The following APOL2 variants were observed in gnomAD, a reference collection of about 807,000 sequenced individuals.
APOL2 encodes apolipoprotein L2.
In APOL2, 8 loss-of-function variants were observed where a neutral mutation model predicts 7.1. That is an observed-to-expected ratio of 1.12 (90% CI 0.66 to 2.03). The LOEUF (loss-of-function observed/expected upper bound fraction) is 2.03. Ranked by LOEUF, APOL2 falls within the 30% of genes most tolerant of loss-of-function variation. APOL2 has a pLI of 0.00. For missense variants in APOL2, 471 were observed against 415.1 expected, an observed-to-expected ratio of 1.13 and a Z score of -1.17; for synonymous variants, 177 against 159.9, an observed-to-expected ratio of 1.11 and a Z score of -0.81.
In APOL2 at chr22:36,228,071, G is replaced by T; in HGVS notation, c.347C>A (p.Ala116Asp). ...GCCAACAGAGTTGGACACCACATTGGCAATGGTGGTGCCTCTGTGGACCTG... is the reference window on the plus strand; with the variant it reads ...GCCAACAGAGTTGGACACCACATTGTCAATGGTGGTGCCTCTGTGGACCTG... ...VEQVHRGTTI[A>D]NVVSNSVGTT... Residue 116 changes from alanine (A) to aspartate (D), a missense_variant, in exon 5 of 5, where the codon GCC becomes GAC. By Grantham distance (126) the Ala-to-Asp change is moderately radical. Transcript: ENST00000358502. The T allele has an allele frequency of 1.2e-6, 2 of 1,614,240 alleles. No homozygotes were observed. The highest frequency in any genetic ancestry group is 1.7e-6 in the Non-Finnish European group (2 of 1,180,028).
At chr22:36,236,513 A>G (rs2015408201) in intron 1 of APOL2, 1 of 946,230 alleles carries the variant, frequency 1.1e-6, no homozygotes, top group Admixed American at 6.2e-5. Flanking sequence ...ACTAATAATG[A>G]CACTATAAGT....
At chr22:36,230,070 GAACCACTAGAAGACTCAAGACAC>G in intron 4 of APOL2, among the ~76,000 whole-genome samples, 1 of 152,240 alleles carries the variant, frequency 6.6e-6, no homozygotes, top group South Asian at 2.1e-4. Flanking sequence ...CAATTTTATG[GAACCACTAGAAGACTCAAGACAC>G]TTTCAGAACC....
intron 3 of APOL2, 81 bp from the exon 4 acceptor site, chr22:36,231,547 T>A: frequency 9.1e-6 from 14 of 1,533,186 alleles, no homozygotes; most frequent in Non-Finnish European, 1.3e-5. Flanking sequence ...TGGTTACATG[T>A]TAATTTTTCC....
At chr22:36,236,252 T>C (rs1473552178) in intron 1 of APOL2, among the ~76,000 whole-genome samples, 2 of 152,184 alleles carry the variant, frequency 1.3e-5, no homozygotes, top group African/African-American at 4.8e-5. Flanking sequence ...TACCGATTAG[T>C]ACAAACTTAA....
rs1158214892 is a variant in APOL2, at chr22:36,239,158, CGTGTCTGAGG to C, written c.-134+273_-134+282del. The C allele has an allele frequency of 7.3e-6, 9 of 1,227,844 alleles. No individual in the cohort carries two copies. The East Asian group carries it at 1.1e-4, about 15-fold the overall frequency. 76.1% of individuals were successfully genotyped at this position (1,227,844 alleles called of 1,614,324 possible). On this transcript the variant is annotated intron_variant, in intron 1 of 4. Transcript: ENST00000358502. ...TACCTTTCTTCTGGGGTCAGCTGGCCGTGTCTGAGGGTGTCAGAACCAGAGCTGAGCCCGG... is the reference window on the plus strand; with the variant it reads ...TACCTTTCTTCTGGGGTCAGCTGGCCGTGTCAGAACCAGAGCTGAGCCCGG...
rs780310716 is a variant in APOL2, at chr22:36,231,352, G to C, written c.125C>G (p.Ala42Gly). The change falls in exon 4 of 5, where the codon GCT (alanine) becomes GGT (glycine). Residue 42 changes from alanine (A) to glycine (G), a missense_variant. By Grantham distance (60) the Ala-to-Gly change is moderately conservative. Transcript: ENST00000358502. ...DEAWNGFVAAAELPRDEADEL... is the reference protein window; with the variant it reads ...DEAWNGFVAAGELPRDEADEL... ...CCATGGAGCTTACCTGGGCAGTTCA[G>C]CAGCAGCCACGAATCCATTCCAGGC... The C allele has an allele frequency of 2.8e-5, 45 of 1,614,074 alleles. No homozygotes were observed. The highest frequency in any genetic ancestry group is 3.7e-5 in the Non-Finnish European group (44 of 1,179,930).
At position 36,227,889 on chromosome 22, in the gene APOL2, C is replaced by A; in HGVS notation, c.529G>T (p.Ala177Ser). ...SVVELVNKLR[A>S]RAQARNLDQS... ...TCCAAGTTGCGGGCTTGGGCTCGTG[C>A]CCGCAATTTGTTTACTAGTTCTACC... The change falls in exon 5 of 5, where the codon GCA becomes TCA. Residue 177 changes from alanine (A) to serine (S), a missense_variant. Transcript: ENST00000358502. 1 of 1,614,220 alleles carries A rather than the reference C, an allele frequency of 6.2e-7. No homozygotes were observed. The highest frequency in any genetic ancestry group is 8.5e-7 in the Non-Finnish European group (1 of 1,180,054).
intron 1 of APOL2, 140 bp downstream of exon 1, chr22:36,239,301 C>G (rs1037151744): frequency 8.9e-6 from 12 of 1,350,476 alleles, no homozygotes; most frequent in Admixed American, 2.8e-5. Context: ...CAAATCCCGG[C>G]TCTGCCACTG....
intron 1 of APOL2, chr22:36,237,462 G>A (rs1042581837): frequency 2.1e-6 from 2 of 949,860 alleles, no homozygotes; most frequent in Admixed American, 5.4e-5. Flanking sequence ...AGTCTGGAGT[G>A]CTTTGGGGCT....
chr22:36,237,643 A>C (rs980157592), intron 1 of APOL2, among the ~76,000 whole-genome samples: 5 of 152,134 alleles, frequency 3.3e-5, no homozygotes, highest in Admixed American at 1.3e-4. Flanking sequence ...AGCTCCTAGC[A>C]TCATGTGATT....
rs766991246 is a variant in APOL2 at position 36,227,772 on chromosome 22, C to T, written c.646G>A (p.Val216Ile). Residue 216 changes from valine (V) to isoleucine (I), a missense_variant, in exon 5 of 5, where the codon GTC becomes ATC. Physicochemically the swap from Val to Ile is conservative, Grantham distance 29 (BLOSUM62 3). Coordinates refer to ENST00000358502, the MANE Select transcript of APOL2 (RefSeq NM_030882.4). ...VLTLVDNWYQVTQGIGRNIRA... is the reference protein window; with the variant it reads ...VLTLVDNWYQITQGIGRNIRA... ...ATGTTCCTCCCAATCCCTTGTGTGA[C>T]TTGGTACCAATTGTCAACTAAGGTA... 6 of 1,614,122 alleles carry T rather than the reference C, an allele frequency of 3.7e-6. No homozygotes were observed. In the African/African-American group the frequency reaches 6.7e-5, roughly 18 times the overall value.
At chr22:36,236,711 C>T (rs1254394308) in intron 1 of APOL2, 6 of 985,202 alleles carry the variant, frequency 6.1e-6, no homozygotes, top group Admixed American at 1.2e-4. Flanking sequence ...ATACAAAAGC[C>T]CCCTCCTCAA....
chr22:36,237,067 A>C (rs527890445), intron 1 of APOL2: 1 of 1,523,188 alleles, frequency 6.6e-7, no homozygotes, highest in Non-Finnish European at 8.8e-7. Context: ...GGACCTGCCC[A>C]ATACTTGTGA....
At position 36,233,180 on chromosome 22, in the gene APOL2, T is replaced by C. The variant is rs1318722727; in HGVS notation, c.-18A>G. On this transcript the variant is annotated 5_prime_UTR_variant, in exon 3 of 5. Transcript: ENST00000358502. The stretch of plus-strand genomic sequence containing the variant: ...GGGTTCATGGTGCCAGCGGCTGGGT[T>C]ACCGAGGGGCTTTCCTTGGAGCTCT... 6.2e-7 allele frequency: 1 copy of C among 1,614,132 alleles called. No homozygotes were observed. Among genetic ancestry groups the C allele is most frequent in the Admixed American group, 1.7e-5 (1 of 60,024 alleles).
intron 4 of APOL2, 89 bp from the exon 5 acceptor site, chr22:36,228,369 A>C (rs959092221): frequency 6.7e-7 from 1 of 1,489,660 alleles, no homozygotes; most frequent in Admixed American, 2.3e-5. Flanking sequence ...TGTAAATTGC[A>C]GAGCTTTCAC....
chr22:36,233,494 A>G (rs767658571), intron 1 of APOL2, 39 bp from the exon 2 acceptor site: 39 of 1,512,412 alleles, frequency 2.6e-5, no homozygotes, highest in Middle Eastern at 1.7e-4. Context: ...GAGGAGGGGC[A>G]GCCATCTGAT....
chr22:36,231,449 C>T lies in APOL2; in HGVS notation c.28G>A (p.Glu10Lys), dbSNP rs1310269025. The change falls in exon 4 of 5, where the codon GAG (glutamate) becomes AAG (lysine). Residue 10 changes from glutamate (E) to lysine (K), a missense_variant. Glu to Lys is a moderately conservative substitution (Grantham distance 56, BLOSUM62 1). Transcript: ENST00000358502. MNPESSIFI[E>K]DYLKYFQDQV... is the part of the protein sequence containing the mutation. ...TCCTGGAAATACTTAAGGTAATCCT[C>T]AATAAAGATACTGCTCTCTAGTTGG... The T allele has an allele frequency of 1.9e-6, 3 of 1,613,268 alleles. No homozygotes were observed. The South Asian group carries it at 3.3e-5, about 18-fold the overall frequency.
Position 36,227,745 on chromosome 22 carries a change from G to GGA in APOL2, c.671_672dup (p.Arg225SerfsTer13). 6 of 1,614,212 alleles carry GGA rather than the reference G, an allele frequency of 3.7e-6. No homozygotes were observed. The highest frequency in any genetic ancestry group is 5.1e-6 in the Non-Finnish European group (6 of 1,180,034). On this transcript the variant is annotated frameshift_variant, in exon 5 of 5. Transcript: ENST00000358502. LOFTEE classifies it low-confidence loss of function (END_TRUNC). ...TTGGCTCTGGCTCGTCTGATGGCAC[G>GGA]GATGTTCCTCCCAATCCCTTGTGTG...
chr22:36,239,147 G>A lies in APOL2; in HGVS notation c.-134+294C>T, dbSNP rs143456208. The A allele has an allele frequency of 2.7e-5, 33 of 1,216,264 alleles. No homozygotes were observed. In the African/African-American group the frequency reaches 4.6e-4, roughly 17 times the overall value. 75.3% of individuals were successfully genotyped at this position (1,216,264 alleles called of 1,614,324 possible). On this transcript the variant is annotated intron_variant, in intron 1 of 4. Transcript: ENST00000358502. ...CCCCCAACACCTACCTTTCTTCTGGGGTCAGCTGGCCGTGTCTGAGGGTGT... is the reference window on the plus strand; with the variant it reads ...CCCCCAACACCTACCTTTCTTCTGGAGTCAGCTGGCCGTGTCTGAGGGTGT...
Sources: allele counts gnomAD v4.1 joint callset (sites outside exome capture counted in the v4.1 genomes callset), GRCh38; gene constraint gnomAD v4.1.1; transcripts MANE v1.5; gene names NCBI Gene and HGNC (gene_info 2026-07-23, HGNC 2026-07-21).